Variants in PKN2 observed in about 807,000 individuals in gnomAD.
The protein encoded by PKN2 is protein kinase N2, also known as serine/threonine-protein kinase N2.
Under a neutral mutation model 119.1 loss-of-function variants are expected in PKN2, and 38 were observed. That is an observed-to-expected ratio of 0.32 (90% CI 0.25 to 0.42). PKN2 has a LOEUF of 0.42. Ranked by LOEUF, PKN2 falls within the 10% of genes least tolerant of loss-of-function variation. The pLI is 1.00. For missense variants in PKN2, 850 were observed against 1,165.1 expected (o/e 0.73, Z 3.94); for synonymous variants, 390 against 384.9 (o/e 1.01, Z -0.15).
intron 16 of PKN2, 123 bp from the exon 17 acceptor site, chr1:88,821,818 G>T: frequency 1.4e-6 from 1 of 725,910 alleles, no homozygotes; most frequent in South Asian, 2.4e-5. Context: ...ATACATAGTA[G>T]GGACTAAATA....
chr1:88,739,527 A>G (rs1270908210), intron 1 of PKN2, among the ~76,000 whole-genome samples: 1 of 152,214 alleles, frequency 6.6e-6, no homozygotes, highest in Non-Finnish European at 1.5e-5. Context: ...GGAATTCTCA[A>G]AAAATTAAAG....
chr1:88,763,995 G>A (rs1416872774), intron 3 of PKN2, among the ~76,000 whole-genome samples: 1 of 152,170 alleles, frequency 6.6e-6, no homozygotes, highest in Non-Finnish European at 1.5e-5. Flanking sequence ...TTACCCTTGT[G>A]CATGTTGTAA....
intron 1 of PKN2, among the ~76,000 whole-genome samples, chr1:88,730,581 C>G (rs773109596): frequency 1.3e-5 from 2 of 152,202 alleles, no homozygotes; most frequent in Non-Finnish European, 2.9e-5. Flanking sequence ...GTGGTTACTT[C>G]TGGCTGCAGG....
chr1:88,755,241 G>A (rs1669151640), intron 2 of PKN2, among the ~76,000 whole-genome samples: 1 of 152,040 alleles, frequency 6.6e-6, no homozygotes, highest in East Asian at 1.9e-4. Context: ...GAAATATACT[G>A]GCAACTGTAT....
intron 3 of PKN2, among the ~76,000 whole-genome samples, chr1:88,760,992 G>A (rs756868857): frequency 5.9e-5 from 9 of 152,122 alleles, no homozygotes; most frequent in Non-Finnish European, 8.8e-5. Context: ...TCTCCCAAGT[G>A]TTTGGGAGAG....
At chr1:88,714,690 T>G (rs997846697) in intron 1 of PKN2, among the ~76,000 whole-genome samples, 1 of 152,200 alleles carries the variant, frequency 6.6e-6, no homozygotes, top group Non-Finnish European at 1.5e-5. Context: ...GATGGGGTTT[T>G]CTAAATATAC....
chr1:88,786,392 A>C (rs1435732631), intron 8 of PKN2, among the ~76,000 whole-genome samples, 179 bp downstream of exon 8: 1 of 152,214 alleles, frequency 6.6e-6, no homozygotes, highest in Non-Finnish European at 1.5e-5. Flanking sequence ...ATAGAGATGA[A>C]TATCAGATTG....
intron 6 of PKN2, among the ~76,000 whole-genome samples, chr1:88,773,249 AT>A (rs1669964951): frequency 3.5e-5 from 5 of 141,822 alleles, no homozygotes; most frequent in African/African-American, 8.3e-5. Context: ...ATTCATTTTT[AT>A]TGAGACAGAG....
intron 1 of PKN2, among the ~76,000 whole-genome samples, chr1:88,690,714 A>G (rs1254175287): frequency 2.0e-5 from 3 of 152,026 alleles, no homozygotes; most frequent in Non-Finnish European, 4.4e-5. Flanking sequence ...TTTTTTTGCA[A>G]TCACAAAAAT....
chr1:88,793,375 T>C (rs9427964), intron 8 of PKN2, among the ~76,000 whole-genome samples: 11,073 of 152,256 alleles, frequency 0.073, 589 homozygotes, highest in East Asian at 0.13. Flanking sequence ...TTTTTCAAAC[T>C]GTTGCACATT....
chr1:88,697,836 CA>C (rs989297387), intron 1 of PKN2, among the ~76,000 whole-genome samples: 1 of 152,156 alleles, frequency 6.6e-6, no homozygotes, highest in African/African-American at 2.4e-5. Flanking sequence ...TCAAATTTTG[CA>C]TATTTATTTT....
intron 1 of PKN2, among the ~76,000 whole-genome samples, chr1:88,729,212 A>G (rs1475455079): frequency 6.6e-6 from 1 of 152,190 alleles, no homozygotes; most frequent in Admixed American, 6.5e-5. Flanking sequence ...CGTCTTTTAA[A>G]TTAAATTGTT....
At chr1:88,778,948 C>T (rs1374778725) in intron 6 of PKN2, among the ~76,000 whole-genome samples, 1 of 152,188 alleles carries the variant, frequency 6.6e-6, no homozygotes, top group African/African-American at 2.4e-5. Flanking sequence ...TGGTCTCGAT[C>T]TCCTGACCTT....
chr1:88,741,088 A>T lies in PKN2; in HGVS notation c.149A>T (p.Asp50Val). Residue 50 changes from aspartate to valine, a missense_variant, in exon 2 of 22, where the codon GAT becomes GTT. Asp to Val is a radical substitution (Grantham distance 152, BLOSUM62 -3). This residue lies in a region of PKN2 where 73 missense variants were observed against 61.2 expected (regional missense o/e 1.19). Coordinates refer to ENST00000370521, the MANE Select transcript of PKN2 (RefSeq NM_006256.4). ...MVQQKLDDIK[D>V]RIKREIRKEL... Reference sequence around the variant, plus strand: ...CAGCAGAAATTGGATGATATCAAGGATCGAATTAAGAGAGAAATAAGGAAA... The same window carrying T: ...CAGCAGAAATTGGATGATATCAAGGTTCGAATTAAGAGAGAAATAAGGAAA... 6.2e-7 allele frequency: 1 copy of T among 1,611,558 alleles called. No homozygotes were observed. Among genetic ancestry groups the T allele is most frequent in the Non-Finnish European group, 8.5e-7 (1 of 1,178,884 alleles).
chr1:88,751,359 A>G (rs1051211835), intron 2 of PKN2, among the ~76,000 whole-genome samples: 6 of 150,246 alleles, frequency 4.0e-5, no homozygotes, highest in African/African-American at 1.3e-4. Context: ...ATATATACAT[A>G]CATTATATAT....
chr1:88,820,514 C>G (rs1313064776), intron 16 of PKN2, among the ~76,000 whole-genome samples: 1 of 146,660 alleles, frequency 6.8e-6, no homozygotes, highest in Non-Finnish European at 1.5e-5. Flanking sequence ...GCTTGGGCAA[C>G]AAGAGCAAAA....
chr1:88,739,630 T>A (rs1668497825), intron 1 of PKN2, among the ~76,000 whole-genome samples: 1 of 152,198 alleles, frequency 6.6e-6, no homozygotes, highest in Admixed American at 6.5e-5. Flanking sequence ...TAAACTCAAA[T>A]CTCCTCCCTA....
intron 1 of PKN2, among the ~76,000 whole-genome samples, chr1:88,739,254 C>T (rs780964140): frequency 2.6e-5 from 4 of 151,812 alleles, no homozygotes; most frequent in Non-Finnish European, 4.4e-5. Flanking sequence ...GGGAGGATCA[C>T]TTAGGCCAAG....
At chr1:88,790,515 T>TAA (rs1446946723) in intron 8 of PKN2, among the ~76,000 whole-genome samples, 1 of 152,202 alleles carries the variant, frequency 6.6e-6, no homozygotes, top group Non-Finnish European at 1.5e-5. Context: ...GCCTCAGTAT[T>TAA]ACAGTCGAGA....
Sources: gnomAD v4.1 joint callset for allele counts (sites outside exome capture counted in the v4.1 genomes callset) on GRCh38, gnomAD v4.1.1 for gene constraint, gnomAD v4.1.1 regional missense constraint, MANE v1.5 for transcripts, NCBI Gene and HGNC (gene_info 2026-07-23, HGNC 2026-07-21) for gene names.